Variants in DSC2 observed in about 807,000 individuals in gnomAD.
DSC2 encodes the protein desmocollin-2.
A neutral mutation model predicts 87.6 loss-of-function variants in DSC2; 51 were observed. The observed-to-expected ratio is 0.58, with a 90% CI of 0.46 to 0.74. The LOEUF (loss-of-function observed/expected upper bound fraction) is 0.74, where lower values mean the gene tolerates loss of function less well. Ranked by LOEUF, DSC2 falls within the 30% of genes least tolerant of loss-of-function variation. The probability of loss-of-function intolerance (pLI) is 0.00; values close to 1 mark genes in which losing one functional copy is unlikely to be tolerated. For missense variants in DSC2, 1,066 were observed against 1,089.5 expected (o/e 0.98, Z 0.30); for synonymous variants, 383 against 393.2 (o/e 0.97, Z 0.31).
rs139558481 is a variant in DSC2 at position 31,069,104 on chromosome 18, C to G, written c.2298G>C (p.Gln766His). The G allele has an allele frequency of 4.4e-5, 71 of 1,614,018 alleles. No homozygotes were observed. The African/African-American group carries it at 7.5e-4, about 17-fold the overall frequency. The change falls in exon 15 of 16, where the codon CAG (glutamine) becomes CAC (histidine). Residue 766 changes from glutamine (Q) to histidine (H), a missense_variant. By Grantham distance (24) the Gln-to-His change is conservative (BLOSUM62 0). Transcript: ENST00000280904. Reference sequence around the variant, plus strand: ...CTGATCCCACGGTGCCACAAACTCCCTGAGCAGAAGCGCCCACAGTTTGGG... The same window carrying G: ...CTGATCCCACGGTGCCACAAACTCCGTGAGCAGAAGCGCCCACAGTTTGGG... ...FTTQTVGASA[Q>H]GVCGTVGSGI...
intron 11 of DSC2, among the ~76,000 whole-genome samples, chr18:31,078,634 G>T (rs1272461384): frequency 1.3e-5 from 2 of 151,764 alleles, no homozygotes; most frequent in Admixed American, 1.3e-4. Context: ...AGGCCTTAAA[G>T]GACAGTCTTT....
At chr18:31,091,261 C>A (rs1987588856) in intron 3 of DSC2, 114 bp from the exon 4 acceptor site, 8 of 1,318,986 alleles carry the variant, frequency 6.1e-6, no homozygotes, top group South Asian at 1.3e-5. Context: ...GGGGTGAGAC[C>A]ATGGGAGTGC....
Position 31,093,778 on chromosome 18 carries a change from A to G in DSC2, c.70-135T>C, listed in dbSNP as rs568712462. ...TATAATACTTATATAAATGTTAATT[A>G]TATTACATATTGACTACACTAAATA... On this transcript the variant is annotated intron_variant, in intron 1 of 15. Transcript: ENST00000280904. The G allele has an allele frequency of 4.4e-5, 10 of 228,560 alleles. No homozygotes were observed. The South Asian group carries it at 8.5e-4, about 19-fold the overall frequency. The allele number at this position is 228,560 out of a possible 1,614,324, so 14.2% of individuals were successfully genotyped here. A position where few individuals can be genotyped will look rare whatever the true frequency, so the allele number is the denominator to read the frequency against.
rs78343952 is a variant in DSC2, at chr18:31,095,611, A to T, written c.70-1968T>A. ...ATGGTTGGATTAAGACAATTCTTTGAATAACAGTATCTTGGACATCCATCC... is the reference window on the plus strand; with the variant it reads ...ATGGTTGGATTAAGACAATTCTTTGTATAACAGTATCTTGGACATCCATCC... On this transcript the variant is annotated intron_variant, in intron 1 of 15. Coordinates refer to ENST00000280904, the MANE Select transcript of DSC2 (RefSeq NM_024422.6). 2.4e-3 allele frequency among the ~76,000 whole-genome samples: 366 copies of T among 152,284 alleles called. 10 individuals are homozygous for T. The East Asian group carries it at 0.057, about 24-fold the overall frequency.
rs1039679288 is a variant in DSC2, at chr18:31,062,387, A to G, written c.*5628T>C. The G allele has an allele frequency of 2.8e-5, 3 of 107,128 alleles. No homozygotes were observed. Among genetic ancestry groups the G allele is most frequent in the African/African-American group, 1.1e-4 (3 of 27,358 alleles). 6.6% of individuals were successfully genotyped at this position (107,128 alleles called of 1,614,324 possible). ...GTTGCTTTTCCTCAGGTGGTTAGAG[A>G]GTGGCCTTTTGGTTAAAAAAAAAAA... On this transcript the variant is annotated 3_prime_UTR_variant, in exon 16 of 16. Transcript: ENST00000280904.
rs77010990 is a variant in DSC2 at position 31,074,515 on chromosome 18, A to C, written c.1888+168T>G. 5.1e-4 allele frequency among the ~76,000 whole-genome samples: 77 copies of C among 151,588 alleles called. No homozygotes were observed. In the East Asian group the frequency reaches 0.015, roughly 29 times the overall value. On this transcript the variant is annotated intron_variant, in intron 12 of 15. Coordinates refer to ENST00000280904, the MANE Select transcript of DSC2 (RefSeq NM_024422.6). ...ACAACACACCTAAGGGAATCTCGGC[A>C]TAGGATTAGAGACACACTAGAGAGA...
chr18:31,098,887 C>T lies in DSC2; in HGVS notation c.69+3016G>A, dbSNP rs569194861. Reference sequence around the variant, plus strand: ...TTTGTAATAGCAGAAGTGACAGGTACAAGTGAATAGACCCCTGAGCTGTCT... The same window carrying T: ...TTTGTAATAGCAGAAGTGACAGGTATAAGTGAATAGACCCCTGAGCTGTCT... On this transcript the variant is annotated intron_variant, in intron 1 of 15. Coordinates refer to ENST00000280904, the MANE Select transcript of DSC2 (RefSeq NM_024422.6). Among the ~76,000 whole-genome samples the T allele has an allele frequency of 2.7e-3, 417 of 152,220 alleles. 3 individuals carry two copies. The highest frequency in any genetic ancestry group is 9.5e-3 in the African/African-American group (395 of 41,538).
chr18:31,068,008 A>G lies in DSC2; in HGVS notation c.*7T>C. On this transcript the variant is annotated 3_prime_UTR_variant, in exon 16 of 16. Coordinates refer to ENST00000280904, the MANE Select transcript of DSC2 (RefSeq NM_024422.6). ...CCACTGGCTTTCAGAGACTTATTAGAACACACTCATCTCTTCATGCATGCT... is the reference window on the plus strand; with the variant it reads ...CCACTGGCTTTCAGAGACTTATTAGGACACACTCATCTCTTCATGCATGCT... 6.2e-7 allele frequency: 1 copy of G among 1,613,494 alleles called. No individual in the cohort carries two copies.
At chr18:31,086,064 T>C (rs1987385270) in intron 7 of DSC2, among the ~76,000 whole-genome samples, 1 of 152,086 alleles carries the variant, frequency 6.6e-6, no homozygotes, top group Admixed American at 6.6e-5. Flanking sequence ...TATAAATATC[T>C]TTTTAACTAG....
rs902176554 is a variant in DSC2 at position 31,087,079 on chromosome 18, T to C, written c.776-337A>G. On this transcript the variant is annotated intron_variant, in intron 6 of 15. Transcript: ENST00000280904. ...GTTTGTAAGCTTGTGCTTAGATTGATCATAGGAGTCAGTTTTCTCTAAAAC... is the reference window on the plus strand; with the variant it reads ...GTTTGTAAGCTTGTGCTTAGATTGACCATAGGAGTCAGTTTTCTCTAAAAC... 5.9e-5 allele frequency among the ~76,000 whole-genome samples: 9 copies of C among 152,348 alleles called. No homozygotes were observed. In the East Asian group the frequency reaches 1.7e-3, roughly 29 times the overall value.
chr18:31,086,496 T>G, intron 7 of DSC2, 80 bp downstream of exon 7: 1 of 1,521,470 alleles, frequency 6.6e-7, no homozygotes, highest in Admixed American at 1.7e-5. Context: ...AACATACTTT[T>G]CAAAAACACA....
At chr18:31,084,664 GCT>G (rs1987336333) in intron 7 of DSC2, among the ~76,000 whole-genome samples, 1 of 142,194 alleles carries the variant, frequency 7.0e-6, no homozygotes. Context: ...TTGAGTTTTT[GCT>G]TTTTTTTTTT....
chr18:31,085,425 A>G (rs1009618542), intron 7 of DSC2, among the ~76,000 whole-genome samples: 9 of 151,766 alleles, frequency 5.9e-5, no homozygotes, highest in Non-Finnish European at 1.0e-4. Context: ...CTGTTATTTT[A>G]TAAGAATTTT....
Position 31,061,964 on chromosome 18 carries a change from A to G in DSC2, c.*6051T>C, listed in dbSNP as rs1986510346. 1 of 152,204 alleles carries G rather than the reference A, an allele frequency of 6.6e-6. No homozygotes were observed. The highest frequency in any genetic ancestry group is 1.5e-5 in the Non-Finnish European group (1 of 68,042). The allele number at this position is 152,204 out of a possible 1,614,324, so 9.4% of individuals were successfully genotyped here. ...ACTGATCCCCTCTCCCCAGAAAGCA[A>G]AACACATAGGTCTGTCCTACATGTC... On this transcript the variant is annotated 3_prime_UTR_variant, in exon 16 of 16. Transcript: ENST00000280904.
At chr18:31,084,911 T>C (rs890046170) in intron 7 of DSC2, among the ~76,000 whole-genome samples, 1 of 152,098 alleles carries the variant, frequency 6.6e-6, no homozygotes, top group Non-Finnish European at 1.5e-5. Flanking sequence ...ATGCAATGTG[T>C]CAATATTTGG....
At chr18:31,091,622 G>A (rs1205417488) in intron 3 of DSC2, 4 of 458,368 alleles carry the variant, frequency 8.7e-6, no homozygotes, top group Non-Finnish European at 1.8e-5. Flanking sequence ...GCTGCAGTGA[G>A]GAATGGCTAA....
At chr18:31,087,512 C>G (rs1023510959) in intron 6 of DSC2, among the ~76,000 whole-genome samples, 157 bp downstream of exon 6, 4 of 152,114 alleles carry the variant, frequency 2.6e-5, no homozygotes, top group Non-Finnish European at 4.4e-5. Context: ...GGAAATTTGC[C>G]AAGCATCACA....
rs764680041 is a variant in DSC2 at position 31,064,819 on chromosome 18, G to A, written c.*3196C>T. ...AAAGGGGCTGATCAGAGCAAAGTCA[G>A]TTGTCAAGACTTCAATCTGGAGTCC... On this transcript the variant is annotated 3_prime_UTR_variant, in exon 16 of 16. Transcript: ENST00000280904. 15 of 152,152 alleles carry A rather than the reference G, an allele frequency of 9.9e-5. No individual in the cohort carries two copies. The highest frequency in any genetic ancestry group is 1.8e-4 in the Non-Finnish European group (12 of 68,020). The allele number at this position is 152,152 out of a possible 1,614,324, so 9.4% of individuals were successfully genotyped here. A position where few individuals can be genotyped will look rare whatever the true frequency, so the allele number is the denominator to read the frequency against.
intron 1 of DSC2, among the ~76,000 whole-genome samples, chr18:31,095,090 T>C (rs1257367724): frequency 1.3e-5 from 2 of 152,142 alleles, no homozygotes; most frequent in Non-Finnish European, 2.9e-5. Flanking sequence ...CAGCGAGAGA[T>C]AAATGTCACG....
Sources: allele counts gnomAD v4.1 joint callset (sites outside exome capture counted in the v4.1 genomes callset), GRCh38; gene constraint gnomAD v4.1.1; transcripts MANE v1.5; gene names NCBI Gene and HGNC (gene_info 2026-07-23, HGNC 2026-07-21).